Variants in WDR20 observed in about 807,000 individuals in gnomAD.
WDR20 encodes the protein WD repeat domain 20.
WDR20 carries 3 observed loss-of-function variants against 38.7 expected under a neutral mutation model. That is an observed-to-expected ratio of 0.08 (90% CI 0.04 to 0.20). The LOEUF is 0.20. Among genes scored for constraint, WDR20 ranks in the 10% least tolerant of loss-of-function variants. The probability of loss-of-function intolerance (pLI) is 1.00; values close to 1 mark genes in which losing one functional copy is unlikely to be tolerated. For missense variants in WDR20, 559 were observed against 727.7 expected (o/e 0.77, Z 2.67); for synonymous variants, 298 against 285.6 (o/e 1.04, Z -0.44).
chr14:102,179,453 A>C (rs899256452), intron 1 of WDR20, among the ~76,000 whole-genome samples: 3 of 147,308 alleles, frequency 2.0e-5, no homozygotes, highest in African/African-American at 7.9e-5. Flanking sequence ...AAAAAAAAAA[A>C]AAGAAAGAAA....
intron 1 of WDR20, among the ~76,000 whole-genome samples, chr14:102,186,416 A>G (rs1447189773): frequency 6.6e-6 from 1 of 152,054 alleles, no homozygotes; most frequent in East Asian, 1.9e-4. Context: ...TTGTCATTAG[A>G]CCCACCCAGT....
downstream of WDR20, chr14:102,212,837 A>T (rs1169524414): frequency 7.6e-7 from 1 of 1,310,666 alleles, no homozygotes; most frequent in East Asian, 3.1e-5. Flanking sequence ...CTTTCAGCCT[A>T]AACGTTATTA....
At chr14:102,195,245 C>A in intron 2 of WDR20, 125 bp downstream of exon 2, 1 of 991,940 alleles carries the variant, frequency 1.0e-6, no homozygotes, top group Non-Finnish European at 1.5e-6. Flanking sequence ...GCCCTCCTAC[C>A]TAGTATGCCC....
chr14:102,193,539 G>A (rs1384595782), intron 1 of WDR20: 21 of 1,610,004 alleles, frequency 1.3e-5, no homozygotes, highest in Non-Finnish European at 1.7e-5. Flanking sequence ...GTGTCCGCAT[G>A]GCATGCACCC....
chr14:102,156,293 G>A (rs889355064), intron 1 of WDR20, among the ~76,000 whole-genome samples: 15 of 150,980 alleles, frequency 9.9e-5, no homozygotes, highest in Non-Finnish European at 1.8e-4. Context: ...TCAGCCTCCC[G>A]AGTAGCTGGG....
Position 102,208,699 on chromosome 14 carries a change from T to C in WDR20, c.529T>C (p.Tyr177His), listed in dbSNP as rs768503139. 23 of 1,614,090 alleles carry C rather than the reference T, an allele frequency of 1.4e-5. No homozygotes were observed. The highest frequency in any genetic ancestry group is 1.6e-4 in the Middle Eastern group (1 of 6,084). ...CCACTCGAGTGGGAACATGTACTTATATAATGTGGAGCACACTTGTGGCAC... is the reference window on the plus strand; with the variant it reads ...CCACTCGAGTGGGAACATGTACTTACATAATGTGGAGCACACTTGTGGCAC... ...VAHSSGNMYLYNVEHTCGTTA... is the reference protein window; with the variant it reads ...VAHSSGNMYLHNVEHTCGTTA... The change falls in exon 3 of 3, where the codon TAT becomes CAT. Residue 177 changes from tyrosine to histidine, a missense_variant. By Grantham distance (83) the Tyr-to-His change is moderately conservative (BLOSUM62 2). Coordinates refer to ENST00000342702, the MANE Select transcript of WDR20 (RefSeq NM_144574.4). This position sits in a 1 kb window ranked among gnomAD's most constrained non-coding sequence, Gnocchi z 5.6.
chr14:102,202,372 G>GTTTTTTTTTTTTTTTTT, intron 2 of WDR20, among the ~76,000 whole-genome samples: 1 of 67,632 alleles, frequency 1.5e-5, no homozygotes, highest in Non-Finnish European at 2.5e-5. Context: ...CTGTATGGAG[G>GTTTTTTTTTTTTTTTTT]TTTTTTTTTT....
At chr14:102,179,918 C>T (rs1238314789) in intron 1 of WDR20, among the ~76,000 whole-genome samples, 3 of 152,076 alleles carry the variant, frequency 2.0e-5, no homozygotes, top group African/African-American at 7.2e-5. Flanking sequence ...TTTATGAGGC[C>T]GAGGCAGGCG....
chr14:102,213,973 G>GGCGTCCA, downstream of WDR20: 1 of 985,488 alleles, frequency 1.0e-6, no homozygotes, highest in Non-Finnish European at 1.2e-6. Context: ...CACAGCGTCT[G>GGCGTCCA]GCGTCCAGCT....
intron 1 of WDR20, among the ~76,000 whole-genome samples, chr14:102,159,049 C>G (rs2058087265): frequency 1.3e-5 from 2 of 151,860 alleles, no homozygotes; most frequent in African/African-American, 4.8e-5. Flanking sequence ...CTCAAGCGAT[C>G]CTCCCACCTC....
downstream of WDR20, chr14:102,214,449 C>CGAACTAT: frequency 1.0e-6 from 1 of 985,414 alleles, no homozygotes; most frequent in Non-Finnish European, 1.2e-6. Flanking sequence ...ATCCTAGTTA[C>CGAACTAT]GAACTATAAG....
At chr14:102,214,072 G>T, downstream of WDR20, 1 of 985,612 alleles carries the variant, frequency 1.0e-6, no homozygotes, top group Non-Finnish European at 1.2e-6. Flanking sequence ...CTGACTGCGG[G>T]GTTGCACCAT....
chr14:102,210,068 A>T lies in WDR20; in HGVS notation c.*188A>T. ...TTTGATAATTTACCTTAGAGCATTT[A>T]AAAAAATATAATCAAACTAATTGCC... On this transcript the variant is annotated 3_prime_UTR_variant, in exon 3 of 3. Transcript: ENST00000342702. 1 of 1,370,128 alleles carries T rather than the reference A, an allele frequency of 7.3e-7. No homozygotes were observed. Among genetic ancestry groups the T allele is most frequent in the Non-Finnish European group, 9.4e-7 (1 of 1,068,212 alleles). 84.9% of individuals were successfully genotyped at this position (1,370,128 alleles called of 1,614,324 possible). A position where few individuals can be genotyped will look rare whatever the true frequency, so the allele number is the denominator to read the frequency against.
intron 1 of WDR20, chr14:102,193,548 C>A (rs1463300894): frequency 8.1e-6 from 13 of 1,605,258 alleles, no homozygotes; most frequent in Non-Finnish European, 1.1e-5. Flanking sequence ...TGGCATGCAC[C>A]CTCATTCCTT....
At chr14:102,194,830 C>T in intron 1 of WDR20, 108 bp from the exon 2 acceptor site, 1 of 1,222,986 alleles carries the variant, frequency 8.2e-7, no homozygotes, top group Non-Finnish European at 1.1e-6. Flanking sequence ...CATTTTAAAT[C>T]ACTTTGTTTT....
chr14:102,160,653 T>G lies in WDR20; in HGVS notation c.249+20481T>G, dbSNP rs180855872. The stretch of plus-strand genomic sequence containing the variant: ...TGATTGATGATCCCTTTAAAAAATA[T>G]GAATAATGGCCGGGCGCGGTGGCTC... On this transcript the variant is annotated intron_variant, in intron 1 of 2. Coordinates refer to ENST00000342702, the MANE Select transcript of WDR20 (RefSeq NM_144574.4). Among the ~76,000 whole-genome samples the G allele has an allele frequency of 1.7e-3, 251 of 152,088 alleles. 3 individuals carry two copies. The highest frequency in any genetic ancestry group is 5.8e-4 in the East Asian group (3 of 5,168).
At chr14:102,162,397 T>C (rs780563937) in intron 1 of WDR20, among the ~76,000 whole-genome samples, 14 of 152,170 alleles carry the variant, frequency 9.2e-5, no homozygotes, top group Non-Finnish European at 1.6e-4. Flanking sequence ...TTTACCCTAC[T>C]GGACTGTGAA....
intron 1 of WDR20, among the ~76,000 whole-genome samples, chr14:102,161,079 A>G (rs1237367040): frequency 1.5e-5 from 2 of 132,188 alleles, no homozygotes; most frequent in African/African-American, 2.8e-5. Context: ...CCTCACATGT[A>G]TGATAAATTT....
Position 102,172,608 on chromosome 14 carries a change from G to A in WDR20, c.250-22330G>A, listed in dbSNP as rs541918681. ...GGGCTCCTCACTTCCCAGTAGGGGC[G>A]GCCTGGCAGAGGCGCCCCTCACCTC... On this transcript the variant is annotated intron_variant, in intron 1 of 2. Coordinates refer to ENST00000342702, the MANE Select transcript of WDR20 (RefSeq NM_144574.4). Among the ~76,000 whole-genome samples the A allele has an allele frequency of 9.2e-4, 133 of 144,002 alleles. 1 individual carries two copies. Among genetic ancestry groups the A allele is most frequent in the African/African-American group, 3.1e-3 (117 of 37,744 alleles). The allele number at this position is 144,002 out of a possible 152,430, so 94.5% of individuals were successfully genotyped here.
Sources: gnomAD v4.1 joint callset for allele counts (sites outside exome capture counted in the v4.1 genomes callset) on GRCh38, gnomAD v4.1.1 for gene constraint, Gnocchi (gnomAD v3.1) non-coding constraint, MANE v1.5 for transcripts, NCBI Gene and HGNC (gene_info 2026-07-23, HGNC 2026-07-21) for gene names.